The following TTC28 variants were observed in gnomAD, a reference collection of about 807,000 sequenced individuals.
TTC28 encodes the protein tetratricopeptide repeat protein 28.
Under a neutral mutation model 198.0 loss-of-function variants are expected in TTC28, and 61 were observed. The ratio of observed to expected loss-of-function variants is 0.31; its 90% CI spans 0.25 to 0.38. TTC28 has a LOEUF of 0.38. Among genes scored for constraint, TTC28 ranks in the 10% least tolerant of loss-of-function variants. The pLI, the probability that TTC28 is intolerant of heterozygous loss-of-function variation, is 1.00. For missense variants in TTC28, 2,678 were observed against 3,164.0 expected, an observed-to-expected ratio of 0.85 and a Z score of 3.69; for synonymous variants, 1,171 against 1,297.8, an observed-to-expected ratio of 0.90 and a Z score of 2.10.
chr22:28,369,120 T>C (rs1442973124), intron 2 of TTC28, among the ~76,000 whole-genome samples: 2 of 151,990 alleles, frequency 1.3e-5, no homozygotes, highest in Admixed American at 6.6e-5. Flanking sequence ...AGGCCCAGAA[T>C]AGTTGAAGCT....
At chr22:28,229,029 G>A (rs1214573900) in intron 5 of TTC28, among the ~76,000 whole-genome samples, 1 of 151,308 alleles carries the variant, frequency 6.6e-6, no homozygotes, top group Non-Finnish European at 1.5e-5. Flanking sequence ...GGTGGCACAC[G>A]CCTGTAGTCC....
chr22:28,532,243 GAAATACAA>G lies in TTC28; in HGVS notation c.381+97301_381+97308del, dbSNP rs560855132. 2.6e-3 allele frequency among the ~76,000 whole-genome samples: 401 copies of G among 152,204 alleles called. 1 individual carries two copies. Among genetic ancestry groups the G allele is most frequent in the Admixed American group, 4.0e-3 (61 of 15,276 alleles). ...AGGGGATACCACCACCGATCCCACG[GAAATACAA>G]ACTACCATCAGAGAATATTATAAAC... On this transcript the variant is annotated intron_variant, in intron 2 of 22. Transcript: ENST00000397906.
intron 5 of TTC28, among the ~76,000 whole-genome samples, chr22:28,229,246 G>A (rs1379919115): frequency 1.3e-5 from 2 of 152,142 alleles, no homozygotes; most frequent in Non-Finnish European, 2.9e-5. Flanking sequence ...TGTAGTTCTG[G>A]GTAGAATATC....
Position 27,999,277 on chromosome 22 carries a change from C to G in TTC28, c.4399-17G>C. The G allele has an allele frequency of 6.5e-7, 1 of 1,531,546 alleles. No individual in the cohort carries two copies. The highest frequency in any genetic ancestry group is 8.8e-7 in the Non-Finnish European group (1 of 1,136,154). The allele number at this position is 1,531,546 out of a possible 1,614,324, so 94.9% of individuals were successfully genotyped here. ...TAAGTGAGACTAGGAGGGGAGGGGA[C>G]AAAGCAGACCACCCGTCAGACAGAA... is the stretch of plus-strand genomic sequence containing the variant. On this transcript the variant is annotated splice_polypyrimidine_tract_variant and intron_variant, in intron 15 of 22. Coordinates refer to ENST00000397906, the MANE Select transcript of TTC28 (RefSeq NM_001145418.2).
intron 5 of TTC28, among the ~76,000 whole-genome samples, chr22:28,260,071 G>C (rs1457815707): frequency 6.6e-6 from 1 of 152,184 alleles, no homozygotes; most frequent in African/African-American, 2.4e-5. Context: ...ACACTTCAGA[G>C]AAAAGACGGG....
intron 2 of TTC28, among the ~76,000 whole-genome samples, chr22:28,534,594 C>T (rs2049222480): frequency 6.6e-6 from 1 of 152,164 alleles, no homozygotes; most frequent in African/African-American, 2.4e-5. Flanking sequence ...AATCATGCTG[C>T]TATAATGACA....
chr22:28,210,755 C>T (rs1184050317), intron 5 of TTC28, among the ~76,000 whole-genome samples: 2 of 152,132 alleles, frequency 1.3e-5, no homozygotes, highest in Non-Finnish European at 2.9e-5. Context: ...CCTAGCAAGG[C>T]AGGCCAACAT....
intron 14 of TTC28, chr22:28,007,577 A>G (rs2146566328): frequency 6.6e-6 from 1 of 152,326 alleles, no homozygotes; most frequent in East Asian, 1.9e-4. Context: ...AAGCTGCAGG[A>G]GCCTCTGTGC....
chr22:28,545,148 G>A (rs1261138527), intron 2 of TTC28, among the ~76,000 whole-genome samples: 1 of 152,116 alleles, frequency 6.6e-6, no homozygotes, highest in East Asian at 1.9e-4. Context: ...ATTAGTAATA[G>A]TGAATTTTCT....
intron 2 of TTC28, among the ~76,000 whole-genome samples, chr22:28,544,311 A>G (rs1209201553): frequency 6.6e-6 from 1 of 152,248 alleles, no homozygotes; most frequent in Non-Finnish European, 1.5e-5. Context: ...AAATGAATCA[A>G]TGAACAACAA....
chr22:28,226,818 G>A (rs1464126086), intron 5 of TTC28, among the ~76,000 whole-genome samples: 1 of 152,084 alleles, frequency 6.6e-6, no homozygotes, highest in Non-Finnish European at 1.5e-5. Flanking sequence ...TTTAAACTGT[G>A]GTATTTGTTT....
intron 5 of TTC28, among the ~76,000 whole-genome samples, chr22:28,225,707 A>G (rs1928284585): frequency 6.6e-6 from 1 of 152,194 alleles, no homozygotes; most frequent in Non-Finnish European, 1.5e-5. Flanking sequence ...TAAAATCACC[A>G]CGGCAGGCAA....
At chr22:28,114,854 G>A (rs1942589596) in intron 6 of TTC28, among the ~76,000 whole-genome samples, 1 of 152,136 alleles carries the variant, frequency 6.6e-6, no homozygotes, top group African/African-American at 2.4e-5. Context: ...CTAAAGCACT[G>A]GGATTGCAGG....
chr22:28,072,392 C>G (rs544172550), intron 12 of TTC28, among the ~76,000 whole-genome samples: 9 of 152,204 alleles, frequency 5.9e-5, no homozygotes, highest in Non-Finnish European at 1.3e-4. Context: ...GGCATGATCA[C>G]TGCTAAGTCG....
chr22:28,149,198 T>C (rs994292977), intron 6 of TTC28, among the ~76,000 whole-genome samples: 6 of 152,182 alleles, frequency 3.9e-5, no homozygotes, highest in Non-Finnish European at 5.9e-5. Context: ...TGTAACACAA[T>C]AGTAGATGTT....
chr22:28,106,643 T>C (rs1200045253), intron 7 of TTC28, among the ~76,000 whole-genome samples: 3 of 152,116 alleles, frequency 2.0e-5, no homozygotes, highest in South Asian at 2.1e-4. Context: ...GCCTAAGTAA[T>C]TGGTTAGGTG....
chr22:28,209,641 G>A (rs1399426313), intron 5 of TTC28, among the ~76,000 whole-genome samples: 1 of 152,208 alleles, frequency 6.6e-6, no homozygotes, highest in African/African-American at 2.4e-5. Context: ...CTGCCCAGAA[G>A]CTCGAACTGG....
rs2051143034 is a variant in TTC28 at position 28,629,805 on chromosome 22, A to G, written c.128T>C (p.Ile43Thr). 6.4e-7 allele frequency: 1 copy of G among 1,551,652 alleles called. No homozygotes were observed. Among genetic ancestry groups the G allele is most frequent in the South Asian group, 1.2e-5 (1 of 84,014 alleles). The change falls in exon 2 of 23, where the codon ATT becomes ACT. Residue 43 changes from isoleucine to threonine, a missense_variant. Physicochemically the swap from Ile to Thr is moderately conservative, Grantham distance 89. Coordinates refer to ENST00000397906, the MANE Select transcript of TTC28 (RefSeq NM_001145418.2). ...APIPLFGADTIGQRSPDGPVL... is the reference protein window; with the variant it reads ...APIPLFGADTTGQRSPDGPVL... ...CGGTCCATCAGGACTTCTCTGGCCA[A>G]TAGTGTCAGCACCAAAGAGAGGAAT...
rs543751527 is a variant in TTC28 at position 28,145,322 on chromosome 22, G to C, written c.1441+17770C>G. 5.9e-5 allele frequency among the ~76,000 whole-genome samples: 9 copies of C among 152,150 alleles called. 1 individual carries two copies. The highest frequency in any genetic ancestry group is 2.2e-4 in the African/African-American group (9 of 41,506). On this transcript the variant is annotated intron_variant, in intron 6 of 22. Transcript: ENST00000397906. ...AGGAAAGTAATATAACTTGTTCAGG[G>C]TCATGCAAAAGGTAAGAGCTCACGT...
Sources: allele counts gnomAD v4.1 joint callset (sites outside exome capture counted in the v4.1 genomes callset), GRCh38; gene constraint gnomAD v4.1.1; transcripts MANE v1.5; gene names NCBI Gene and HGNC (gene_info 2026-07-23, HGNC 2026-07-21).